ENTREP1: variants seen among roughly 807,000 people sequenced by gnomAD.
ENTREP1 encodes the protein Friedreich ataxia region gene X123.
chr9:69,351,833 A>G, the ENTREP1 span, among the ~76,000 whole-genome samples: 2 of 152,074 alleles, frequency 1.3e-5, no homozygotes, highest in Non-Finnish European at 2.9e-5. Context: ...AAAGTTTCAC[A>G]TTTCTGTTTA....
At chr9:69,372,384 C>T in the ENTREP1 span, among the ~76,000 whole-genome samples, 10 of 152,250 alleles carry the variant, frequency 6.6e-5, no homozygotes, top group South Asian at 2.1e-4. Context: ...TTTCACATTC[C>T]GTTTCTATGA....
At chr9:69,389,650 C>T in the ENTREP1 span, among the ~76,000 whole-genome samples, 4 of 152,288 alleles carry the variant, frequency 2.6e-5, no homozygotes, top group East Asian at 5.8e-4. Context: ...TCCCTCTGTC[C>T]GGCCCCAATA....
the ENTREP1 span, among the ~76,000 whole-genome samples, chr9:69,384,586 G>A: frequency 6.6e-6 from 1 of 152,180 alleles, no homozygotes; most frequent in Non-Finnish European, 1.5e-5. Flanking sequence ...CATGCTGCCC[G>A]AGCAGCTAAT....
At chr9:69,385,018 T>G in the ENTREP1 span, among the ~76,000 whole-genome samples, 1 of 152,124 alleles carries the variant, frequency 6.6e-6, no homozygotes, top group Non-Finnish European at 1.5e-5. Flanking sequence ...ATCTCCTGGG[T>G]GCAAGTGATT....
the ENTREP1 span, among the ~76,000 whole-genome samples, chr9:69,370,019 C>A: frequency 6.6e-6 from 1 of 152,096 alleles, no homozygotes; most frequent in Non-Finnish European, 1.5e-5. Context: ...ATTGATTTTC[C>A]TAACTGTGTC....
the ENTREP1 span, among the ~76,000 whole-genome samples, chr9:69,389,197 G>GT: frequency 3.1e-3 from 468 of 152,268 alleles, 2 homozygotes; most frequent in African/African-American, 0.011. Context: ...TGGGGTGGAT[G>GT]TTGTAGACAG....
At chr9:69,383,680 T>G in the ENTREP1 span, 1 of 1,614,092 alleles carries the variant, frequency 6.2e-7, no homozygotes. Flanking sequence ...GGAGCTCGAA[T>G]CAAAGGTGTG....
At chr9:69,391,621 C>T in the ENTREP1 span, 3 of 1,614,202 alleles carry the variant, frequency 1.9e-6, no homozygotes, top group Non-Finnish European at 2.5e-6. Context: ...CATTGCAGCC[C>T]AGCACATCCA....
the ENTREP1 span, chr9:69,325,572 G>A: frequency 8.2e-7 from 1 of 1,220,830 alleles, no homozygotes. Flanking sequence ...GCGGCCCCGG[G>A]CTCCGCGCTG....
chr9:69,376,492 G>A, the ENTREP1 span, among the ~76,000 whole-genome samples: 1 of 152,236 alleles, frequency 6.6e-6, no homozygotes, highest in Non-Finnish European at 1.5e-5. Flanking sequence ...ATTGTGCCCT[G>A]ACTTAAGGAA....
At chr9:69,358,960 G>A in the ENTREP1 span, among the ~76,000 whole-genome samples, 10 of 136,494 alleles carry the variant, frequency 7.3e-5, no homozygotes, top group Non-Finnish European at 1.4e-4. Flanking sequence ...CTGGAGTGCA[G>A]CAGCACGATC....
the ENTREP1 span, among the ~76,000 whole-genome samples, chr9:69,365,687 C>T: frequency 6.6e-6 from 1 of 151,208 alleles, no homozygotes; most frequent in African/African-American, 2.4e-5. Flanking sequence ...ACCCCACATG[C>T]ACCCATCTCA....
chr9:69,371,018 G>A, the ENTREP1 span, among the ~76,000 whole-genome samples: 2 of 152,084 alleles, frequency 1.3e-5, no homozygotes, highest in African/African-American at 4.8e-5. Flanking sequence ...AGTACCTAAA[G>A]TGTTCAGAAC....
At chr9:69,366,183 A>G in the ENTREP1 span, among the ~76,000 whole-genome samples, 2 of 152,118 alleles carry the variant, frequency 1.3e-5, no homozygotes, top group African/African-American at 4.8e-5. Context: ...CATCCTCACC[A>G]ACAGGTGTTA....
chr9:69,367,672 C>CAT, the ENTREP1 span, among the ~76,000 whole-genome samples: 90,474 of 113,590 alleles, frequency 0.8, 36,833 homozygotes, highest in South Asian at 0.88. Context: ...TATATACACA[C>CAT]ATATATAAAT....
At chr9:69,358,828 G>T in the ENTREP1 span, among the ~76,000 whole-genome samples, 48,057 of 151,118 alleles carry the variant, frequency 0.32, 8,893 homozygotes, top group Admixed American at 0.4. Context: ...CACATTTGTT[G>T]AACATATTTA....
At chr9:69,357,323 C>T in the ENTREP1 span, among the ~76,000 whole-genome samples, 21 of 152,100 alleles carry the variant, frequency 1.4e-4, no homozygotes, top group African/African-American at 4.6e-4. Context: ...ATATTTGTGT[C>T]TCACTCTGGT....
chr9:69,377,042 CA>C, the ENTREP1 span, among the ~76,000 whole-genome samples: 1,209 of 152,306 alleles, frequency 7.9e-3, 8 homozygotes, highest in Middle Eastern at 0.041. Context: ...AAGAGAAGCT[CA>C]CTGCTCTCCT....
chr9:69,370,159 A>T, the ENTREP1 span, among the ~76,000 whole-genome samples: 2 of 151,420 alleles, frequency 1.3e-5, no homozygotes, highest in Admixed American at 1.3e-4. Context: ...TTATAACCAC[A>T]CTTTTTTTTC....
Sources: gnomAD v4.1 joint callset for allele counts (sites outside exome capture counted in the v4.1 genomes callset) on GRCh38, gnomAD v4.1.1 for gene constraint, MANE v1.5 for transcripts, NCBI Gene and HGNC (gene_info 2026-07-23, HGNC 2026-07-21) for gene names.